The following SRP19 variants were observed in gnomAD, a reference collection of about 807,000 sequenced individuals.
SRP19 encodes signal recognition particle 19, also known as signal recognition particle 19 kDa protein.
A neutral mutation model predicts 22.4 loss-of-function variants in SRP19; 11 were observed. The ratio of observed to expected loss-of-function variants is 0.49; its 90% CI spans 0.31 to 0.81. The LOEUF (loss-of-function observed/expected upper bound fraction) is 0.81, where lower values mean the gene tolerates loss of function less well. SRP19 is among the 40% of genes least tolerant of loss of function. SRP19 has a pLI of 0.05. For missense variants in SRP19, 168 were observed against 175.9 expected (o/e 0.96, Z 0.25); for synonymous variants, 61 against 57.6 (o/e 1.06, Z -0.27).
downstream of SRP19, chr5:112,897,223 TAC>T (rs1272806977): frequency 6.6e-6 from 1 of 152,110 alleles, no homozygotes; most frequent in Non-Finnish European, 1.5e-5. Context: ...TATATACACA[TAC>T]ACACAGAGTT....
downstream of SRP19, among the ~76,000 whole-genome samples, chr5:112,873,758 T>C (rs139082307): frequency 0.016 from 1,835 of 115,322 alleles, 9 homozygotes; most frequent in Middle Eastern, 0.041. Context: ...TATAGTCTTA[T>C]TGTTTCCAAG....
At chr5:112,883,833 G>T (rs1212533133) in intron 4 of SRP19, among the ~76,000 whole-genome samples, 1 of 151,978 alleles carries the variant, frequency 6.6e-6, no homozygotes, top group Non-Finnish European at 1.5e-5. Flanking sequence ...GTCTTCTCCA[G>T]CTCAGTGGCA....
chr5:112,894,093 T>C (rs148046777), downstream of SRP19: 1,640 of 151,448 alleles, frequency 0.011, 22 homozygotes, highest in Non-Finnish European at 0.013. Flanking sequence ...GTGGAAGCCT[T>C]TTGGTTGGTT....
downstream of SRP19, chr5:112,893,308 G>A (rs1044983504): frequency 2.1e-5 from 5 of 236,772 alleles, no homozygotes; most frequent in Admixed American, 1.6e-4. Flanking sequence ...TACTTGGGAA[G>A]CTGAGGCAGG....
intron 4 of SRP19, chr5:112,885,343 CT>C (rs1768210437): frequency 5.7e-6 from 1 of 175,892 alleles, no homozygotes; most frequent in Admixed American, 6.5e-5. Flanking sequence ...GAACCAAAAA[CT>C]TTTGCTAGAA....
chr5:112,875,529 CTAATTTTTTGG>C (rs1303669680), intron 4 of SRP19, among the ~76,000 whole-genome samples: 3 of 151,964 alleles, frequency 2.0e-5, no homozygotes, highest in Non-Finnish European at 4.4e-5. Context: ...CCACACCTAG[CTAATTTTTTGG>C]TATTTTTTGT....
chr5:112,862,354 T>C, intron 1 of SRP19, 154 bp from the exon 2 acceptor site: 3 of 701,892 alleles, frequency 4.3e-6, no homozygotes, highest in Non-Finnish European at 7.5e-6. Context: ...TACTTTGATT[T>C]TTCAACTGCC....
At position 112,867,872 on chromosome 5, in the gene SRP19, C is replaced by T. The variant is rs79410094; in HGVS notation, c.*335C>T. Reference sequence around the variant, plus strand: ...TTAGATTTAAAATAAACATTTTGTCCACCTTTTAAGTTAATGAAATAAAAT... The same window carrying T: ...TTAGATTTAAAATAAACATTTTGTCTACCTTTTAAGTTAATGAAATAAAAT... On this transcript the variant is annotated 3_prime_UTR_variant, in exon 5 of 5. Coordinates refer to ENST00000505459, the MANE Select transcript of SRP19 (RefSeq NM_003135.3). 1 of 1,000,266 alleles carries T rather than the reference C, an allele frequency of 1.0e-6. No homozygotes were observed. Among genetic ancestry groups the T allele is most frequent in the African/African-American group, 1.7e-5 (1 of 58,212 alleles). 62.0% of individuals were successfully genotyped at this position (1,000,266 alleles called of 1,614,324 possible).
intron 4 of SRP19, chr5:112,878,726 A>G: frequency 1.2e-6 from 2 of 1,601,350 alleles, no homozygotes; most frequent in East Asian, 2.2e-5. Flanking sequence ...AGTCCCTAAT[A>G]TAACATCAAG....
At chr5:112,878,860 A>G (rs1767977902) in intron 4 of SRP19, 1 of 1,613,804 alleles carries the variant, frequency 6.2e-7, no homozygotes, top group Admixed American at 1.7e-5. Flanking sequence ...GGAGGGAAAG[A>G]AAAATATATC....
At chr5:112,876,280 T>A (rs1767893530) in intron 4 of SRP19, 2 of 152,210 alleles carry the variant, frequency 1.3e-5, no homozygotes, top group African/African-American at 2.4e-5. Context: ...ATAGAGTTAA[T>A]AAAGAGCAGT....
At chr5:112,887,283 C>G in intron 4 of SRP19, 1 of 1,138,962 alleles carries the variant, frequency 8.8e-7, no homozygotes, top group South Asian at 2.8e-5. Flanking sequence ...GGAGATGCCT[C>G]TGTTATTTTC....
rs1768272351 is a variant in SRP19, at chr5:112,887,038, G to A, written c.302-4565G>A. 4 of 1,610,130 alleles carry A rather than the reference G, an allele frequency of 2.5e-6. No individual in the cohort carries two copies. In the East Asian group the frequency reaches 8.9e-5, roughly 36 times the overall value. The stretch of plus-strand genomic sequence containing the variant: ...ACCTTCTTTAGTGATGGCATCTGCA[G>A]TCTCTTTGGCCTTGTCTTTAAGGTC... On this transcript the variant is annotated intron_variant, in intron 4 of 4. Transcript: ENST00000391338.
intron 4 of SRP19, among the ~76,000 whole-genome samples, chr5:112,879,199 G>T (rs1162511583): frequency 6.6e-6 from 1 of 151,972 alleles, no homozygotes; most frequent in Non-Finnish European, 1.5e-5. Context: ...TTGCCTGTAA[G>T]ATTTCACTTA....
intron 4 of SRP19, among the ~76,000 whole-genome samples, chr5:112,875,532 A>G (rs561567828): frequency 6.6e-6 from 1 of 151,822 alleles, no homozygotes; most frequent in African/African-American, 2.4e-5. Context: ...CACCTAGCTA[A>G]TTTTTTGGTA....
chr5:112,866,299 A>G (rs1767603610), intron 4 of SRP19, among the ~76,000 whole-genome samples: 1 of 151,770 alleles, frequency 6.6e-6, no homozygotes, highest in South Asian at 2.1e-4. Flanking sequence ...TATTTTTAGT[A>G]GAGATGGAGT....
intron 4 of SRP19, chr5:112,881,975 T>C (rs1768091196): frequency 6.6e-6 from 1 of 152,136 alleles, no homozygotes; most frequent in African/African-American, 2.4e-5. Context: ...TTTCACCATG[T>C]TACTCAGGCT....
At chr5:112,889,810 C>T (rs1013401816) in intron 4 of SRP19, among the ~76,000 whole-genome samples, 1 of 144,690 alleles carries the variant, frequency 6.9e-6, no homozygotes, top group Non-Finnish European at 1.5e-5. Flanking sequence ...AGGGAGACCA[C>T]ATCTCTAGGA....
chr5:112,892,678 G>T, exon 5 of SRP19: 1 of 1,614,106 alleles, frequency 6.2e-7, no homozygotes, highest in Non-Finnish European at 8.5e-7. Flanking sequence ...ATTCTGGGAA[G>T]CTAATAGAGA....
Sources: gnomAD v4.1 joint callset for allele counts (sites outside exome capture counted in the v4.1 genomes callset) on GRCh38, gnomAD v4.1.1 for gene constraint, MANE v1.5 for transcripts, NCBI Gene and HGNC (gene_info 2026-07-23, HGNC 2026-07-21) for gene names.